FOXP2: variants seen among roughly 807,000 people sequenced by gnomAD.
FOXP2 encodes the protein forkhead box P2.
FOXP2 carries 12 observed loss-of-function variants against 115.8 expected under a neutral mutation model. That is an observed-to-expected ratio of 0.10 (90% CI 0.07 to 0.17). FOXP2 has a LOEUF of 0.17. FOXP2 is among the 10% of genes least tolerant of loss of function. The pLI is 1.00. For synonymous variants in FOXP2, 328 were observed against 297.7 expected (o/e 1.10, Z -1.05); for missense variants, 629 against 843.5 (o/e 0.75, Z 3.15).
chr7:114,351,545 A>G (rs1297213451), intron 2 of FOXP2, among the ~76,000 whole-genome samples: 2 of 152,092 alleles, frequency 1.3e-5, no homozygotes, highest in Non-Finnish European at 2.9e-5. Context: ...TATCTTTACA[A>G]TAAGTATACT....
intron 2 of FOXP2, among the ~76,000 whole-genome samples, chr7:114,508,524 G>A (rs1284694624): frequency 1.3e-5 from 2 of 152,010 alleles, no homozygotes; most frequent in African/African-American, 4.8e-5. Flanking sequence ...TGTACAGAAG[G>A]AGAGCCCTTA....
rs1563084720 is a variant in FOXP2, at chr7:114,693,166, G to A, written c.*3240G>A. The A allele has an allele frequency of 2.2e-6, 1 of 453,712 alleles. No homozygotes were observed. The allele number at this position is 453,712 out of a possible 1,614,324, so 28.1% of individuals were successfully genotyped here. On this transcript the variant is annotated 3_prime_UTR_variant, in exon 17 of 17. Transcript: ENST00000350908. ...ATTTGAAAATCAATTAAAATTTTATGTGAATGTTACAAGTATTTGGTAGAA... is the reference window on the plus strand; with the variant it reads ...ATTTGAAAATCAATTAAAATTTTATATGAATGTTACAAGTATTTGGTAGAA...
intron 1 of FOXP2, among the ~76,000 whole-genome samples, chr7:114,151,431 T>C (rs868323624): frequency 2.0e-5 from 3 of 152,088 alleles, no homozygotes; most frequent in African/African-American, 4.8e-5. Flanking sequence ...TAAGAAGTCA[T>C]TGATTATTTT....
chr7:114,524,283 A>G (rs556144832), intron 2 of FOXP2, among the ~76,000 whole-genome samples: 49 of 152,220 alleles, frequency 3.2e-4, no homozygotes, highest in South Asian at 2.3e-3. Context: ...ATAAGCTTGT[A>G]TGTCTTATTT....
chr7:114,088,513 T>C (rs1472886298), intron 1 of FOXP2, among the ~76,000 whole-genome samples: 1 of 152,248 alleles, frequency 6.6e-6, no homozygotes, highest in Non-Finnish European at 1.5e-5. Flanking sequence ...AGAGATTTAC[T>C]TTTAGAAAAC....
intron 1 of FOXP2, among the ~76,000 whole-genome samples, chr7:114,279,607 G>A (rs536723189): frequency 1.4e-4 from 21 of 152,120 alleles, no homozygotes; most frequent in African/African-American, 5.1e-4. Flanking sequence ...ATGCATACTT[G>A]CTTCTGTAAG....
At chr7:114,279,683 AAG>A (rs995315457) in intron 1 of FOXP2, among the ~76,000 whole-genome samples, 6 of 152,238 alleles carry the variant, frequency 3.9e-5, no homozygotes, top group Non-Finnish European at 5.9e-5. Context: ...CAATGAAAAT[AAG>A]AGAGGGAAAT....
rs557612024 is a variant in FOXP2 at position 114,659,301 on chromosome 7, A to G, written c.1469-55A>G. ...ATACTAGAGGAAATATGAAAATTCAATTATATATAATGTGAATTATTAGCA... is the reference window on the plus strand; with the variant it reads ...ATACTAGAGGAAATATGAAAATTCAGTTATATATAATGTGAATTATTAGCA... On this transcript the variant is annotated intron_variant, in intron 11 of 16. Transcript: ENST00000350908. The G allele has an allele frequency of 8.0e-5, 101 of 1,262,560 alleles. No individual in the cohort carries two copies. In the South Asian group the frequency reaches 1.0e-3, roughly 13 times the overall value. The allele number at this position is 1,262,560 out of a possible 1,614,324, so 78.2% of individuals were successfully genotyped here.
At chr7:114,636,985 G>A (rs1805256795) in intron 6 of FOXP2, among the ~76,000 whole-genome samples, 1 of 152,030 alleles carries the variant, frequency 6.6e-6, no homozygotes, top group Non-Finnish European at 1.5e-5. Context: ...ACTAGCCTGG[G>A]CAACATAGTG....
chr7:114,689,070 A>G (rs2129354012), intron 16 of FOXP2, among the ~76,000 whole-genome samples: 1 of 152,220 alleles, frequency 6.6e-6, no homozygotes, highest in Non-Finnish European at 1.5e-5. Context: ...CCTTTCTAAT[A>G]TATTTTGGGG....
intron 1 of FOXP2, among the ~76,000 whole-genome samples, chr7:114,232,634 A>G (rs1296562686): frequency 6.6e-6 from 1 of 151,954 alleles, no homozygotes; most frequent in African/African-American, 2.4e-5. Flanking sequence ...ACCAACATGG[A>G]GAAACCCCAT....
chr7:114,413,306 T>A (rs910062798), upstream of FOXP2, among the ~76,000 whole-genome samples: 5 of 152,134 alleles, frequency 3.3e-5, no homozygotes, highest in African/African-American at 1.2e-4. Context: ...ACTTAAAAAA[T>A]ATATTCCTGA....
intron 2 of FOXP2, among the ~76,000 whole-genome samples, chr7:114,312,819 T>C (rs566699125): frequency 6.6e-6 from 1 of 152,306 alleles, no homozygotes; most frequent in African/African-American, 2.4e-5. Flanking sequence ...GCCTGCTCTT[T>C]GTCTTGGCGG....
chr7:114,597,400 G>T (rs1347483541), intron 3 of FOXP2, among the ~76,000 whole-genome samples: 1 of 152,090 alleles, frequency 6.6e-6, no homozygotes, highest in African/African-American at 2.4e-5. Flanking sequence ...GTCTATGAAG[G>T]AGAGGTAATA....
At chr7:114,359,633 A>T (rs1326808337) in intron 2 of FOXP2, among the ~76,000 whole-genome samples, 1 of 152,222 alleles carries the variant, frequency 6.6e-6, no homozygotes, top group Non-Finnish European at 1.5e-5. Flanking sequence ...GATCAGCATG[A>T]CCTGGATGTG....
chr7:114,664,550 T>A, intron 16 of FOXP2, 114 bp downstream of exon 16: 1 of 1,269,746 alleles, frequency 7.9e-7, no homozygotes, highest in Non-Finnish European at 1.1e-6. Flanking sequence ...CAAATTTAAG[T>A]GGAGTTAAAT....
At chr7:114,470,063 G>A (rs1795980831) in intron 2 of FOXP2, among the ~76,000 whole-genome samples, 2 of 152,018 alleles carry the variant, frequency 1.3e-5, no homozygotes, top group South Asian at 4.1e-4. Flanking sequence ...GTATACAGTG[G>A]CCATGCCATG....
chr7:114,451,097 A>G (rs1433323199), intron 2 of FOXP2, among the ~76,000 whole-genome samples: 5 of 152,114 alleles, frequency 3.3e-5, no homozygotes, highest in Non-Finnish European at 7.4e-5. Flanking sequence ...TATAGTGTAC[A>G]TATTGAGAGT....
chr7:114,099,418 T>C (rs1306114487), intron 1 of FOXP2, among the ~76,000 whole-genome samples: 1 of 152,140 alleles, frequency 6.6e-6, no homozygotes. Context: ...TTGTCCGCTT[T>C]GGTGTGAATG....
Sources: allele counts gnomAD v4.1 joint callset (sites outside exome capture counted in the v4.1 genomes callset), GRCh38; gene constraint gnomAD v4.1.1; transcripts MANE v1.5; gene names NCBI Gene and HGNC (gene_info 2026-07-23, HGNC 2026-07-21).